P2RY12: variants seen among roughly 807,000 people sequenced by gnomAD.
The protein encoded by P2RY12 is purinergic receptor P2Y12.
Under a neutral mutation model 4.5 loss-of-function variants are expected in P2RY12, and 3 were observed. That is an observed-to-expected ratio of 0.67 (90% CI 0.31 to 1.74). The LOEUF is 1.74. Ranked by LOEUF, P2RY12 falls within the 40% of genes most tolerant of loss-of-function variation. The pLI is 0.09. For missense variants in P2RY12, 356 were observed against 407.8 expected (o/e 0.87, Z 1.09); for synonymous variants, 148 against 154.1 (o/e 0.96, Z 0.29).
intron 1 of P2RY12, among the ~76,000 whole-genome samples, chr3:151,345,922 A>G (rs760883476): frequency 1.3e-5 from 2 of 152,218 alleles, no homozygotes; most frequent in Non-Finnish European, 2.9e-5. Context: ...AGACTACTGT[A>G]GTAACACCTA....
At chr3:151,356,993 C>T (rs1437423826) in intron 1 of P2RY12, among the ~76,000 whole-genome samples, 1 of 152,058 alleles carries the variant, frequency 6.6e-6, no homozygotes, top group Non-Finnish European at 1.5e-5. Flanking sequence ...GTTTCAGTAC[C>T]TTATTTCAGC....
chr3:151,367,902 G>T, intron 1 of P2RY12: 1 of 1,060,420 alleles, frequency 9.4e-7, no homozygotes. Flanking sequence ...GGTAGATATG[G>T]TAGAATTTTA....
chr3:151,368,366 T>TGG (rs1358499581), intron 1 of P2RY12: 4 of 807,598 alleles, frequency 5.0e-6, no homozygotes, highest in Non-Finnish European at 8.3e-6. Context: ...GGGCATGCCC[T>TGG]GGGGGTGATG....
Position 151,360,244 on chromosome 3 carries a change from T to G in P2RY12, c.-179-19484A>C, listed in dbSNP as rs894222290. ...TTATGAAGGAATTTCTTTCCTTGCT[T>G]TTGTTTCTTGTCATCAGTGACATTT... On this transcript the variant is annotated intron_variant, in intron 1 of 2. Coordinates refer to ENST00000302632, the MANE Select transcript of P2RY12 (RefSeq NM_022788.5). Among the ~76,000 whole-genome samples the G allele has an allele frequency of 2.6e-5, 4 of 152,184 alleles. No individual in the cohort carries two copies. The South Asian group carries it at 8.3e-4, about 32-fold the overall frequency.
chr3:151,353,488 G>C (rs1460583600), intron 1 of P2RY12, among the ~76,000 whole-genome samples: 4 of 152,170 alleles, frequency 2.6e-5, no homozygotes, highest in Non-Finnish European at 5.9e-5. Flanking sequence ...AGTGGCACAA[G>C]CTTGTAACTT....
intron 1 of P2RY12, chr3:151,355,758 C>G: frequency 1.6e-6 from 1 of 642,596 alleles, no homozygotes; most frequent in South Asian, 2.9e-5. Flanking sequence ...TTTATAGTTT[C>G]TATAGAAACA....
At chr3:151,383,017 T>A (rs1029911181) in intron 1 of P2RY12, among the ~76,000 whole-genome samples, 2 of 152,212 alleles carry the variant, frequency 1.3e-5, no homozygotes, top group Non-Finnish European at 2.9e-5. Context: ...TCTCTTCAGT[T>A]TGTGCTAAGA....
At chr3:151,367,707 A>G (rs377718090) in intron 1 of P2RY12, 1 of 1,611,916 alleles carries the variant, frequency 6.2e-7, no homozygotes, top group South Asian at 1.1e-5. Context: ...ATAGCACGAC[A>G]GTGTTTTTCC....
Position 151,338,475 on chromosome 3 carries a change from T to C in P2RY12, c.371A>G (p.Gln124Arg), listed in dbSNP as rs1751344117. The change falls in exon 3 of 3, where the codon CAG becomes CGG. Residue 124 changes from glutamine to arginine, a missense_variant. Gln to Arg is a conservative substitution (Grantham distance 43). Transcript: ENST00000302632. Reference sequence around the variant, plus strand: ...TGTTTTAAATGGCCTGGTGGTCTTCTGGTAGCGATCGATAGTTATCAGTCC... The same window carrying C: ...TGTTTTAAATGGCCTGGTGGTCTTCCGGTAGCGATCGATAGTTATCAGTCC... ...FLGLITIDRY[Q>R]KTTRPFKTSN... 3 of 1,614,024 alleles carry C rather than the reference T, an allele frequency of 1.9e-6. No homozygotes were observed. The highest frequency in any genetic ancestry group is 1.3e-5 in the African/African-American group (1 of 74,982).
At chr3:151,365,821 A>T (rs753507891) in intron 1 of P2RY12, 71 of 1,575,210 alleles carry the variant, frequency 4.5e-5, no homozygotes, top group Middle Eastern at 3.4e-4. Flanking sequence ...GTACAAGGTT[A>T]CTTTCTGTGT....
intron 1 of P2RY12, among the ~76,000 whole-genome samples, chr3:151,342,819 T>C (rs1315121608): frequency 6.6e-6 from 1 of 152,238 alleles, no homozygotes; most frequent in Non-Finnish European, 1.5e-5. Context: ...AAAGAGCTTT[T>C]ATGCTGTATG....
At chr3:151,357,022 G>A (rs1034704952) in intron 1 of P2RY12, among the ~76,000 whole-genome samples, 14 of 152,064 alleles carry the variant, frequency 9.2e-5, no homozygotes, top group Admixed American at 3.3e-4. Context: ...CTTCCTAATT[G>A]TATACATCCT....
intron 1 of P2RY12, among the ~76,000 whole-genome samples, chr3:151,343,774 A>G (rs948651267): frequency 6.6e-6 from 1 of 151,986 alleles, no homozygotes; most frequent in Admixed American, 6.6e-5. Context: ...TTATTTTACC[A>G]AGTCTACTAA....
In P2RY12 at chr3:151,378,345, T is replaced by C. The variant is rs528943423; in HGVS notation, c.-180+6347A>G. Among the ~76,000 whole-genome samples, 5 of 152,354 alleles carry C rather than the reference T, an allele frequency of 3.3e-5. No individual in the cohort carries two copies. In the South Asian group the frequency reaches 1.0e-3, roughly 32 times the overall value. On this transcript the variant is annotated intron_variant, in intron 1 of 2. Coordinates refer to ENST00000302632, the MANE Select transcript of P2RY12 (RefSeq NM_022788.5). ...TGTCTTATTCCTAAAAAATTTCAGG[T>C]TATAATCCTTAATACATTAGTTCTC... is the stretch of plus-strand genomic sequence containing the variant.
At chr3:151,379,536 T>C (rs1008672061) in intron 1 of P2RY12, among the ~76,000 whole-genome samples, 2 of 152,236 alleles carry the variant, frequency 1.3e-5, no homozygotes, top group Admixed American at 1.3e-4. Flanking sequence ...CTGTGGGCTG[T>C]GTTGGAGCTG....
intron 1 of P2RY12, among the ~76,000 whole-genome samples, chr3:151,347,346 G>T (rs1286564989): frequency 6.6e-6 from 1 of 152,092 alleles, no homozygotes; most frequent in Non-Finnish European, 1.5e-5. Context: ...CTAATTCATT[G>T]CCTATTAAGG....
intron 1 of P2RY12, among the ~76,000 whole-genome samples, chr3:151,360,060 G>A (rs1203327392): frequency 6.6e-6 from 1 of 152,148 alleles, no homozygotes; most frequent in Non-Finnish European, 1.5e-5. Flanking sequence ...CAGATTGACT[G>A]CTTTGAAGCA....
chr3:151,371,206 C>T (rs1316253014), intron 1 of P2RY12, among the ~76,000 whole-genome samples: 1 of 152,006 alleles, frequency 6.6e-6, no homozygotes, highest in Non-Finnish European at 1.5e-5. Flanking sequence ...CCTACCATGC[C>T]CTAACCAACT....
At chr3:151,349,114 A>G (rs1752920581) in intron 1 of P2RY12, among the ~76,000 whole-genome samples, 1 of 152,252 alleles carries the variant, frequency 6.6e-6, no homozygotes, top group East Asian at 1.9e-4. Flanking sequence ...AAGATCCAAG[A>G]GAGAAATTGC....
Sources: allele counts gnomAD v4.1 joint callset (sites outside exome capture counted in the v4.1 genomes callset), GRCh38; gene constraint gnomAD v4.1.1; transcripts MANE v1.5; gene names NCBI Gene and HGNC (gene_info 2026-07-23, HGNC 2026-07-21).